Variants in DDX20 observed in about 807,000 individuals in gnomAD.
The protein encoded by DDX20 is DEAD-box helicase 20.
A neutral mutation model predicts 76.4 loss-of-function variants in DDX20; 61 were observed. That is an observed-to-expected ratio of 0.80 (90% CI 0.65 to 0.99). The LOEUF (loss-of-function observed/expected upper bound fraction) is 0.99. Ranked by LOEUF, DDX20 falls within the 50% of genes least tolerant of loss-of-function variation. The pLI, the probability that DDX20 is intolerant of heterozygous loss-of-function variation, is 0.00. For missense variants in DDX20, 976 were observed against 996.8 expected (o/e 0.98, Z 0.28); for synonymous variants, 357 against 357.4 (o/e 1.00, Z 0.01).
In DDX20 at chr1:111,766,895, A is replaced by G. The variant is rs567214373; in HGVS notation, c.2471A>G (p.Gln824Arg). ...IYLQEMMHSN[Q>R] Reference sequence around the variant, plus strand: ...CTACAAGAAATGATGCATAGTAACCAGTGATTATAGGATATACCTGAGACC... The same window carrying G: ...CTACAAGAAATGATGCATAGTAACCGGTGATTATAGGATATACCTGAGACC... Residue 824 changes from glutamine (Q) to arginine (R), a missense_variant, in exon 11 of 11, where the codon CAG (glutamine) becomes CGG (arginine). Transcript: ENST00000369702. 1 of 1,605,572 alleles carries G rather than the reference A, an allele frequency of 6.2e-7. No individual in the cohort carries two copies. The highest frequency in any genetic ancestry group is 2.2e-5 in the East Asian group (1 of 44,844).
In DDX20 at chr1:111,766,502, G is replaced by A. The variant is rs764811129; in HGVS notation, c.2078G>A (p.Arg693His). The change falls in exon 11 of 11, where the codon CGT becomes CAT. Residue 693 changes from arginine to histidine, a missense_variant. Coordinates refer to ENST00000369702, the MANE Select transcript of DDX20 (RefSeq NM_007204.5). ...KDSESTPVDD[R>H]ISLEQPPNGS... ...TCTGAATCTACGCCTGTGGATGATC[G>A]TATTTCTTTGGAACAACCACCAAAT... The A allele has an allele frequency of 2.5e-6, 4 of 1,614,102 alleles. No homozygotes were observed. The highest frequency in any genetic ancestry group is 3.3e-4 in the Middle Eastern group (2 of 6,062).
rs940118160 is a variant in DDX20, at chr1:111,767,255, G to A, written c.*356G>A. Reference sequence around the variant, plus strand: ...TAAAAACAATAAAAGCAATAGATTTGATTAGTAATATTATTGCTGTGGAGT... The same window carrying A: ...TAAAAACAATAAAAGCAATAGATTTAATTAGTAATATTATTGCTGTGGAGT... On this transcript the variant is annotated 3_prime_UTR_variant, in exon 11 of 11. Transcript: ENST00000369702. The A allele has an allele frequency of 5.7e-6, 1 of 174,616 alleles. No homozygotes were observed. Among genetic ancestry groups the A allele is most frequent in the Non-Finnish European group, 1.2e-5 (1 of 81,128 alleles). 10.8% of individuals were successfully genotyped at this position (174,616 alleles called of 1,614,324 possible).
Position 111,766,367 on chromosome 1 carries a change from A to C in DDX20, c.1943A>C (p.Gln648Pro), listed in dbSNP as rs768802481. 1.2e-6 allele frequency: 2 copies of C among 1,614,182 alleles called. No individual in the cohort carries two copies. Among genetic ancestry groups the C allele is most frequent in the Admixed American group, 1.7e-5 (1 of 60,028 alleles). ...QRVPVLASSSQSGDSESDSDS... is the reference protein window; with the variant it reads ...QRVPVLASSSPSGDSESDSDS... ...GTCCCTGTGTTGGCAAGTAGTAGCC[A>C]ATCTGGAGACTCTGAGAGTGACAGT... The change falls in exon 11 of 11, where the codon CAA becomes CCA. Residue 648 changes from glutamine to proline, a missense_variant. By Grantham distance (76) the Gln-to-Pro change is moderately conservative. Transcript: ENST00000369702.
chr1:111,759,770 C>T (rs367555052), intron 3 of DDX20, among the ~76,000 whole-genome samples: 2 of 151,514 alleles, frequency 1.3e-5, no homozygotes, highest in South Asian at 2.1e-4. Flanking sequence ...GTCAGGAGAT[C>T]GAGACCATCC....
At chr1:111,759,611 C>T (rs1357247115) in intron 3 of DDX20, 43 bp downstream of exon 3, 2 of 1,519,282 alleles carry the variant, frequency 1.3e-6, no homozygotes, top group Non-Finnish European at 9.0e-7. Flanking sequence ...TTTTAAGGAA[C>T]TACACACTTT....
At position 111,765,860 on chromosome 1, in the gene DDX20, TAG is replaced by T; in HGVS notation, c.1442_1443del (p.Arg481AsnfsTer10). ...CCCTTAAAAAAGCAAATTCAGAAAA[TAG>T]AGAGAACCCTTCAAATTCAGAAAGC... On this transcript the variant is annotated frameshift_variant, in exon 11 of 11. Transcript: ENST00000369702. LOFTEE classifies it high-confidence loss of function. 1 of 1,614,006 alleles carries T rather than the reference TAG, an allele frequency of 6.2e-7. No homozygotes were observed. The highest frequency in any genetic ancestry group is 8.5e-7 in the Non-Finnish European group (1 of 1,179,974).
chr1:111,765,878 T>G lies in DDX20; in HGVS notation c.1454T>G (p.Ile485Ser). 1.2e-6 allele frequency: 2 copies of G among 1,614,114 alleles called. No homozygotes were observed. The highest frequency in any genetic ancestry group is 1.7e-6 in the Non-Finnish European group (2 of 1,179,988). ...CAGAAAATAGAGAGAACCCTTCAAA[T>G]TCAGAAAGCTCATGGTGACCACATG... ...QIQKIERTLQ[I>S]QKAHGDHMAS... The change falls in exon 11 of 11, where the codon ATT (isoleucine) becomes AGT (serine). Residue 485 changes from isoleucine (I) to serine (S), a missense_variant. Physicochemically the swap from Ile to Ser is moderately radical, Grantham distance 142 (BLOSUM62 -2). This residue lies in a region of DDX20 where 630 missense variants were observed against 693.7 expected (regional missense o/e 0.91). Transcript: ENST00000369702.
intron 1 of DDX20, 101 bp from the exon 2 acceptor site, chr1:111,756,545 A>G (rs1284236211): frequency 1.0e-6 from 1 of 975,526 alleles, no homozygotes; most frequent in Non-Finnish European, 1.6e-6. Context: ...GGTGCCAACT[A>G]GGGGAATCTC....
intron 2 of DDX20, among the ~76,000 whole-genome samples, chr1:111,757,045 G>C (rs1663573748): frequency 6.6e-6 from 1 of 151,060 alleles, no homozygotes; most frequent in African/African-American, 2.5e-5. Context: ...GGCTATTGTT[G>C]GTAACTGCAG....
chr1:111,765,881 A>C lies in DDX20; in HGVS notation c.1457A>C (p.Gln486Pro). 1 of 1,614,224 alleles carries C rather than the reference A, an allele frequency of 6.2e-7. No homozygotes were observed. The highest frequency in any genetic ancestry group is 8.5e-7 in the Non-Finnish European group (1 of 1,180,030). The change falls in exon 11 of 11, where the codon CAG becomes CCG. Residue 486 changes from glutamine (Q) to proline (P), a missense_variant. Around this residue, in one of 3 missense-constraint regions of DDX20, gnomAD observed 630 missense variants for 693.7 expected, o/e 0.91. Transcript: ENST00000369702. ...AAAATAGAGAGAACCCTTCAAATTC[A>C]GAAAGCTCATGGTGACCACATGGCT... The part of the protein sequence containing the change: ...IQKIERTLQI[Q>P]KAHGDHMASS...
chr1:111,758,389 T>C (rs1294531130), intron 2 of DDX20, among the ~76,000 whole-genome samples: 1 of 151,898 alleles, frequency 6.6e-6, no homozygotes, highest in African/African-American at 2.4e-5. Context: ...AATTTTTTTT[T>C]CTTGTAGTTA....
chr1:111,759,893 G>C (rs2101417799), intron 3 of DDX20, among the ~76,000 whole-genome samples: 2 of 147,358 alleles, frequency 1.4e-5, no homozygotes, highest in South Asian at 4.3e-4. Flanking sequence ...AGAATGGCGT[G>C]AACCCGGGAG....
Position 111,755,952 on chromosome 1 carries a change from G to T in DDX20, c.28G>T (p.Ala10Ser), listed in dbSNP as rs1439947428. ...GGCGGCGGCATTTGAAGCCTCGGGA[G>T]CCTTAGCAGCAGTGGCGACTGCTAT... The part of the protein sequence containing the change: MAAAFEASG[A>S]LAAVATAMPA... The change falls in exon 1 of 11, where the codon GCC becomes TCC. Residue 10 changes from alanine to serine, a missense_variant. Physicochemically the swap from Ala to Ser is moderately conservative, Grantham distance 99. Transcript: ENST00000369702. 3 of 1,588,600 alleles carry T rather than the reference G, an allele frequency of 1.9e-6. No individual in the cohort carries two copies. Among genetic ancestry groups the T allele is most frequent in the East Asian group, 2.3e-5 (1 of 44,362 alleles).
At chr1:111,760,942 C>T (rs1571610713) in intron 5 of DDX20, 45 bp from the exon 6 acceptor site, 2 of 1,604,572 alleles carry the variant, frequency 1.2e-6, no homozygotes, top group East Asian at 2.2e-5. Flanking sequence ...TTCATGGTTA[C>T]CATTAGCATA....
intron 2 of DDX20, 116 bp downstream of exon 2, chr1:111,756,856 G>A: frequency 2.4e-6 from 2 of 846,716 alleles, no homozygotes; most frequent in South Asian, 3.1e-5. Flanking sequence ...ATTGAGTTAA[G>A]TGGTGGTGGT....
rs1021136278 is a variant in DDX20, at chr1:111,767,149, G to A, written c.*250G>A. ...TGAAAGATAATTTTTGGGACATAGA[G>A]CTGAAAGTTTCAGGGTGCCATTTTC... is the stretch of plus-strand genomic sequence containing the variant. On this transcript the variant is annotated 3_prime_UTR_variant, in exon 11 of 11. Transcript: ENST00000369702. The A allele has an allele frequency of 5.1e-5, 16 of 313,570 alleles. No individual in the cohort carries two copies. The highest frequency in any genetic ancestry group is 3.2e-4 in the African/African-American group (15 of 46,442). 19.4% of individuals were successfully genotyped at this position (313,570 alleles called of 1,614,324 possible). A position where few individuals can be genotyped will look rare whatever the true frequency, so the allele number is the denominator to read the frequency against.
At chr1:111,761,551 A>G (rs931914446) in intron 7 of DDX20, 24 of 297,338 alleles carry the variant, frequency 8.1e-5, no homozygotes, top group African/African-American at 5.2e-4. Context: ...ATAGCCACAT[A>G]TAACTTAATT....
In DDX20 at chr1:111,766,238, G is replaced by T. The variant is rs571742160; in HGVS notation, c.1814G>T (p.Gly605Val). Residue 605 changes from glycine to valine, a missense_variant, in exon 11 of 11, where the codon GGG becomes GTG. Gly to Val is a moderately radical substitution (Grantham distance 109). Transcript: ENST00000369702. ...VEDYEHYIKE[G>V]LEKPVEIIRH... ...GATTATGAACATTATATTAAAGAGG[G>T]GTTAGAGAAACCTGTGGAAATCATC... The T allele has an allele frequency of 2.0e-5, 33 of 1,614,128 alleles. No individual in the cohort carries two copies. In the South Asian group the frequency reaches 3.3e-4, roughly 16 times the overall value.
intron 3 of DDX20, 92 bp from the exon 4 acceptor site, chr1:111,760,382 A>C: frequency 1.1e-6 from 1 of 871,566 alleles, no homozygotes. Context: ...TCAGCAGAAC[A>C]ACCTGTAAGT....
Sources: allele counts gnomAD v4.1 joint callset (sites outside exome capture counted in the v4.1 genomes callset), GRCh38; gene constraint gnomAD v4.1.1; regional missense constraint gnomAD v4.1.1; transcripts MANE v1.5; gene names NCBI Gene and HGNC (gene_info 2026-07-23, HGNC 2026-07-21).